Variants in ZFAND3 observed in about 807,000 individuals in gnomAD.
ZFAND3 encodes the protein AN1-type zinc finger protein 3.
ZFAND3 carries 10 observed loss-of-function variants against 29.6 expected under a neutral mutation model. The ratio of observed to expected loss-of-function variants is 0.34; its 90% CI spans 0.21 to 0.57. ZFAND3 has a LOEUF of 0.57. Ranked by LOEUF, ZFAND3 falls within the 20% of genes least tolerant of loss-of-function variation. ZFAND3 has a pLI of 0.86. For synonymous variants in ZFAND3, 128 were observed against 112.6 expected (o/e 1.14, Z -0.87); for missense variants, 230 against 304.5 (o/e 0.76, Z 1.82).
At chr6:38,014,336 T>TA (rs563013436) in intron 2 of ZFAND3, among the ~76,000 whole-genome samples, 71,646 of 146,764 alleles carry the variant, frequency 0.49, 18,589 homozygotes, top group South Asian at 0.59. Flanking sequence ...TATTATTTTT[T>TA]TTTTTTTGAG....
At chr6:38,076,289 A>G (rs758169989) in intron 3 of ZFAND3, among the ~76,000 whole-genome samples, 1 of 152,172 alleles carries the variant, frequency 6.6e-6, no homozygotes, top group Admixed American at 6.5e-5. Context: ...ACTCTACAAC[A>G]TAGTATAAAT....
At chr6:37,892,784 T>C (rs2127397183) in intron 1 of ZFAND3, among the ~76,000 whole-genome samples, 1 of 152,258 alleles carries the variant, frequency 6.6e-6, no homozygotes, top group East Asian at 1.9e-4. Context: ...ACTGTTGACC[T>C]TACAGAAATA....
At chr6:38,052,994 A>G (rs2127460683) in intron 2 of ZFAND3, among the ~76,000 whole-genome samples, 1 of 151,564 alleles carries the variant, frequency 6.6e-6, no homozygotes, top group African/African-American at 2.4e-5. Flanking sequence ...AGATCGTGCC[A>G]CTGCACTCTA....
At chr6:37,840,637 G>T (rs568593964) in intron 1 of ZFAND3, among the ~76,000 whole-genome samples, 2 of 152,278 alleles carry the variant, frequency 1.3e-5, no homozygotes, top group South Asian at 2.1e-4. Flanking sequence ...GTTTGGTAGG[G>T]GTTGCATTGC....
At chr6:37,867,651 G>A (rs537277840) in intron 1 of ZFAND3, among the ~76,000 whole-genome samples, 1 of 152,060 alleles carries the variant, frequency 6.6e-6, no homozygotes, top group Non-Finnish European at 1.5e-5. Context: ...TATAATAACT[G>A]TTTGCATATT....
At chr6:38,093,015 C>G (rs1405112265) in intron 4 of ZFAND3, among the ~76,000 whole-genome samples, 6 of 152,088 alleles carry the variant, frequency 3.9e-5, no homozygotes, top group Admixed American at 1.3e-4. Context: ...TTTGAAGAAG[C>G]CTAATACATG....
chr6:38,122,415 C>T (rs1320438967), intron 5 of ZFAND3, among the ~76,000 whole-genome samples: 2 of 152,180 alleles, frequency 1.3e-5, no homozygotes, highest in Non-Finnish European at 2.9e-5. Context: ...CATTTTTGAT[C>T]TGTGGTCGTT....
chr6:37,870,627 A>T (rs1053829806), intron 1 of ZFAND3, among the ~76,000 whole-genome samples: 2 of 149,856 alleles, frequency 1.3e-5, no homozygotes, highest in African/African-American at 2.5e-5. Context: ...AAGAGCACTT[A>T]ACATGACCTT....
At chr6:37,874,204 A>G (rs959240900) in intron 1 of ZFAND3, among the ~76,000 whole-genome samples, 1 of 152,128 alleles carries the variant, frequency 6.6e-6, no homozygotes, top group African/African-American at 2.4e-5. Context: ...CTCTGTATGT[A>G]TCTGTCTCTG....
rs368774285 is a variant in ZFAND3, at chr6:38,154,176, C to A, written c.*1787C>A. ...CAAGCCACAGCCCTTGGCCACCATA[C>A]GGGCCATCCTCAGTGAGGCAGCCCC... On this transcript the variant is annotated 3_prime_UTR_variant, in exon 6 of 6. Coordinates refer to ENST00000287218, the MANE Select transcript of ZFAND3 (RefSeq NM_021943.3). The A allele has an allele frequency of 7.1e-6, 7 of 985,518 alleles. No individual in the cohort carries two copies. In the African/African-American group the frequency reaches 1.2e-4, roughly 17 times the overall value. The allele number at this position is 985,518 out of a possible 1,614,324, so 61.0% of individuals were successfully genotyped here.
intron 4 of ZFAND3, among the ~76,000 whole-genome samples, chr6:38,090,738 A>G (rs11755439): frequency 0.075 from 11,446 of 152,212 alleles, 502 homozygotes; most frequent in Non-Finnish European, 0.098. Context: ...GTCTGCTTCT[A>G]TTGTTTATGT....
intron 1 of ZFAND3, among the ~76,000 whole-genome samples, chr6:37,822,199 A>G (rs1763679732): frequency 6.6e-6 from 1 of 152,234 alleles, no homozygotes; most frequent in African/African-American, 2.4e-5. Context: ...AGCAGACAGG[A>G]AAAGTTACAC....
intron 3 of ZFAND3, among the ~76,000 whole-genome samples, chr6:38,072,160 C>G (rs1764468770): frequency 6.6e-6 from 1 of 151,104 alleles, no homozygotes; most frequent in South Asian, 2.1e-4. Flanking sequence ...CTCTCTCTCT[C>G]TGTCTCTGTC....
intron 3 of ZFAND3, among the ~76,000 whole-genome samples, chr6:38,072,146 C>G (rs925244741): frequency 2.0e-5 from 3 of 151,440 alleles, no homozygotes; most frequent in African/African-American, 7.2e-5. Context: ...TTCTCTCTCT[C>G]TCTCTCTCTC....
At chr6:38,013,756 T>C (rs1016198081) in intron 2 of ZFAND3, among the ~76,000 whole-genome samples, 5 of 151,952 alleles carry the variant, frequency 3.3e-5, no homozygotes, top group Admixed American at 3.3e-4. Flanking sequence ...ACCTCCAATG[T>C]CCAGGTTACA....
At chr6:37,938,817 A>T (rs934316204) in intron 2 of ZFAND3, among the ~76,000 whole-genome samples, 4 of 152,244 alleles carry the variant, frequency 2.6e-5, no homozygotes, top group African/African-American at 9.6e-5. Flanking sequence ...TGCATTTCTA[A>T]CGGGAAACAG....
At chr6:38,138,285 CAG>C (rs1765881873) in intron 5 of ZFAND3, among the ~76,000 whole-genome samples, 1 of 152,090 alleles carries the variant, frequency 6.6e-6, no homozygotes, top group South Asian at 2.1e-4. Context: ...GAGAGGGTAA[CAG>C]AATGAGATGG....
intron 1 of ZFAND3, among the ~76,000 whole-genome samples, chr6:37,851,001 C>T (rs1764269799): frequency 6.6e-6 from 1 of 150,866 alleles, no homozygotes; most frequent in African/African-American, 2.4e-5. Flanking sequence ...ATCACTGTCA[C>T]CCTAATTCAG....
intron 1 of ZFAND3, among the ~76,000 whole-genome samples, chr6:37,871,458 A>G (rs1764693909): frequency 6.6e-6 from 1 of 152,248 alleles, no homozygotes; most frequent in South Asian, 2.1e-4. Context: ...GTGGAGACTG[A>G]GAATATGTAG....
Sources: allele counts gnomAD v4.1 joint callset (sites outside exome capture counted in the v4.1 genomes callset), GRCh38; gene constraint gnomAD v4.1.1; transcripts MANE v1.5; gene names NCBI Gene and HGNC (gene_info 2026-07-23, HGNC 2026-07-21).